Variants in GRIFIN observed in about 807,000 individuals in gnomAD.
The protein encoded by GRIFIN is putative grifin.
Under a neutral mutation model 18.2 loss-of-function variants are expected in GRIFIN, and 22 were observed. That is an observed-to-expected ratio of 1.21 (90% CI 0.86 to 1.73). The LOEUF is 1.73. GRIFIN is among the 40% of genes most tolerant of loss of function. The probability of loss-of-function intolerance (pLI) is 0.00; values close to 1 mark genes in which losing one functional copy is unlikely to be tolerated. For missense variants in GRIFIN, 200 were observed against 190.1 expected (o/e 1.05, Z -0.31); for synonymous variants, 101 against 82.8 (o/e 1.22, Z -1.19).
chr7:2,475,070 C>G (rs1297789418), intron 4 of GRIFIN, 71 bp downstream of exon 4: 3 of 1,493,308 alleles, frequency 2.0e-6, no homozygotes, highest in Non-Finnish European at 2.7e-6. Flanking sequence ...GGGTGAGAAG[C>G]AAAATCCCTG....
intron 4 of GRIFIN, 121 bp downstream of exon 4, chr7:2,475,020 C>T: frequency 8.3e-7 from 1 of 1,211,222 alleles, no homozygotes; most frequent in Non-Finnish European, 1.1e-6. Flanking sequence ...GGACGCCAGG[C>T]AGACAACCCC....
Position 2,475,484 on chromosome 7 carries a change from T to C in GRIFIN, c.253-177A>G. On this transcript the variant is annotated intron_variant, in intron 3 of 4. Transcript: ENST00000614228. ...TCCCCTCCTTTCTCCCAAGATGGGG[T>C]GGCTGGTAGCCAGGGTGGTGGGTAC... is the stretch of plus-strand genomic sequence containing the variant. The C allele has an allele frequency of 3.4e-6, 4 of 1,174,012 alleles. No homozygotes were observed. The South Asian group carries it at 6.5e-5, about 19-fold the overall frequency. The allele number at this position is 1,174,012 out of a possible 1,614,324, so 72.7% of individuals were successfully genotyped here.
intron 2 of GRIFIN, 23 bp downstream of exon 2, chr7:2,475,897 G>A (rs367940866): frequency 2.7e-4 from 424 of 1,595,146 alleles, no homozygotes; most frequent in Non-Finnish European, 3.5e-4. Context: ...AAGGCCCAGC[G>A]AGGGGAGGGC....
Position 2,475,727 on chromosome 7 carries a change from C to G in GRIFIN, c.194G>C (p.Arg65Pro), listed in dbSNP as rs1246976696. The change falls in exon 3 of 5, where the codon CGC becomes CCC. Residue 65 changes from arginine (R) to proline (P), a missense_variant. Physicochemically the swap from Arg to Pro is moderately radical, Grantham distance 103 (BLOSUM62 -2). Coordinates refer to ENST00000614228, the MANE Select transcript of GRIFIN (RefSeq NM_001394787.1). Reference protein sequence around the residue: ...TVVGNAFQYGRWGPEQVSSIF... With the variant: ...TVVGNAFQYGPWGPEQVSSIF... ...GCTAGACACCTGCTCCGGGCCCCAG[C>G]GGCCGTACTGGAAGGCATTGCCCAC... is the stretch of plus-strand genomic sequence containing the variant. 1 of 1,554,634 alleles carries G rather than the reference C, an allele frequency of 6.4e-7. No individual in the cohort carries two copies. The highest frequency in any genetic ancestry group is 1.4e-5 in the African/African-American group (1 of 73,874).
intron 3 of GRIFIN, 51 bp downstream of exon 3, chr7:2,475,617 TC>T: frequency 1.4e-6 from 2 of 1,432,546 alleles, no homozygotes; most frequent in Non-Finnish European, 1.8e-6. Flanking sequence ...GGCCCCCTGT[TC>T]CCCCACGGGC....
Position 2,474,785 on chromosome 7 carries a change from C to A in GRIFIN, c.*85G>T. 1 of 462,042 alleles carries A rather than the reference C, an allele frequency of 2.2e-6. No individual in the cohort carries two copies. Among genetic ancestry groups the A allele is most frequent in the Non-Finnish European group, 3.8e-6 (1 of 261,058 alleles). The allele number at this position is 462,042 out of a possible 1,614,324, so 28.6% of individuals were successfully genotyped here. On this transcript the variant is annotated 3_prime_UTR_variant, in exon 5 of 5. Transcript: ENST00000614228. ...CGAGGAGCACACAGGACCACAGACCCCCTCACCCAGCTGCCCCAGGGTGGG... is the reference window on the plus strand; with the variant it reads ...CGAGGAGCACACAGGACCACAGACCACCTCACCCAGCTGCCCCAGGGTGGG...
At chr7:2,475,009 G>T in intron 4 of GRIFIN, 124 bp from the exon 5 acceptor site, 2 of 1,047,862 alleles carry the variant, frequency 1.9e-6, no homozygotes, top group Non-Finnish European at 1.4e-6. Context: ...GGAGCAGGGT[G>T]GGACGCCAGG....
rs1272562825 is a variant in GRIFIN, at chr7:2,476,015, A to G, written c.13-16T>C. The G allele has an allele frequency of 2.5e-6, 4 of 1,593,398 alleles. No individual in the cohort carries two copies. The highest frequency in any genetic ancestry group is 1.1e-5 in the South Asian group (1 of 90,574). ...AGGCTTTAGACTGAGTGGAAGAGACAGGGGGACCAGCCTCATGGGGCTGCA... is the reference window on the plus strand; with the variant it reads ...AGGCTTTAGACTGAGTGGAAGAGACGGGGGGACCAGCCTCATGGGGCTGCA... On this transcript the variant is annotated splice_polypyrimidine_tract_variant and intron_variant, in intron 1 of 4. Coordinates refer to ENST00000614228, the MANE Select transcript of GRIFIN (RefSeq NM_001394787.1).
Position 2,475,783 on chromosome 7 carries a change from G to A in GRIFIN, c.138C>T (p.His46=), listed in dbSNP as rs1302060162. ...FLLETGDIAF[H]IKPRFSSATV... The stretch of plus-strand genomic sequence containing the variant: ...TGGCGCTGGAGAACCGGGGCTTGAT[G>A]TGGAAGGCAATGTCCCCCGTCTCCA... Residue 46 remains histidine, a synonymous_variant, in exon 3 of 5, where the codon CAC becomes CAT. Transcript: ENST00000614228. The A allele has an allele frequency of 2.5e-6, 4 of 1,574,480 alleles. No homozygotes were observed. In the South Asian group the frequency reaches 4.5e-5, roughly 18 times the overall value.
Position 2,475,792 on chromosome 7 carries a change from A to C in GRIFIN, c.129T>G (p.Ile43Met), listed in dbSNP as rs1028927719. ...ETNFLLETGD[I>M]AFHIKPRFSS... is the part of the protein sequence containing the mutation. ...AGAACCGGGGCTTGATGTGGAAGGC[A>C]ATGTCCCCCGTCTCCAACAAGAAGT... is the stretch of plus-strand genomic sequence containing the variant. The change falls in exon 3 of 5, where the codon ATT (isoleucine) becomes ATG (methionine). Residue 43 changes from isoleucine (I) to methionine (M), a missense_variant. Transcript: ENST00000614228. 9 of 1,574,222 alleles carry C rather than the reference A, an allele frequency of 5.7e-6. No individual in the cohort carries two copies. In the Admixed American group the frequency reaches 1.5e-4, roughly 27 times the overall value.
chr7:2,475,874 G>A lies in GRIFIN; in HGVS notation c.92+46C>T, dbSNP rs534886786. The A allele has an allele frequency of 6.3e-6, 10 of 1,586,960 alleles. No homozygotes were observed. The African/African-American group carries it at 6.7e-5, about 11-fold the overall frequency. Reference sequence around the variant, plus strand: ...GTCAAGAGCTGCAAAGAGCTGGGCCGGCCACCCAGCCCAAGGCCCAGCGAG... The same window carrying A: ...GTCAAGAGCTGCAAAGAGCTGGGCCAGCCACCCAGCCCAAGGCCCAGCGAG... On this transcript the variant is annotated intron_variant, in intron 2 of 4. Coordinates refer to ENST00000614228, the MANE Select transcript of GRIFIN (RefSeq NM_001394787.1).
intron 3 of GRIFIN, 179 bp from the exon 4 acceptor site, chr7:2,475,486 G>T: frequency 3.4e-6 from 4 of 1,175,056 alleles, no homozygotes; most frequent in Non-Finnish European, 4.6e-6. Context: ...AGATGGGGTG[G>T]CTGGTAGCCA....
chr7:2,475,127 G>A lies in GRIFIN; in HGVS notation c.419+14C>T, dbSNP rs765463745. 1.3e-6 allele frequency: 2 copies of A among 1,569,868 alleles called. No individual in the cohort carries two copies. Among genetic ancestry groups the A allele is most frequent in the South Asian group, 1.1e-5 (1 of 87,330 alleles). ...AGGAATGGGCAGGGACCTGGGTAGAGGCAGGGACTTTACCCCCAGCTCAGG... is the reference window on the plus strand; with the variant it reads ...AGGAATGGGCAGGGACCTGGGTAGAAGCAGGGACTTTACCCCCAGCTCAGG... On this transcript the variant is annotated intron_variant, in intron 4 of 4. Coordinates refer to ENST00000614228, the MANE Select transcript of GRIFIN (RefSeq NM_001394787.1).
chr7:2,475,875 G>T, intron 2 of GRIFIN, 45 bp downstream of exon 2: 3 of 1,587,192 alleles, frequency 1.9e-6, no homozygotes, highest in Non-Finnish European at 2.6e-6. Flanking sequence ...AGCTGGGCCG[G>T]CCACCCAGCC....
chr7:2,475,425 G>C, intron 3 of GRIFIN, 118 bp from the exon 4 acceptor site: 5 of 1,358,224 alleles, frequency 3.7e-6, no homozygotes, highest in Non-Finnish European at 4.9e-6. Context: ...GGCAGGCCCC[G>C]GGGGTCCCTT....
intron 1 of GRIFIN, 45 bp from the exon 2 acceptor site, chr7:2,476,044 T>G (rs770511613): frequency 2.0e-6 from 3 of 1,507,078 alleles, no homozygotes; most frequent in South Asian, 2.3e-5. Flanking sequence ...GGCTGCAGCC[T>G]CCTCCCTCCC....
At position 2,475,938 on chromosome 7, in the gene GRIFIN, G is replaced by C. The variant is rs1412754012; in HGVS notation, c.74C>G (p.Ala25Gly). 5 of 1,598,346 alleles carry C rather than the reference G, an allele frequency of 3.1e-6. No homozygotes were observed. The highest frequency in any genetic ancestry group is 4.2e-6 in the Non-Finnish European group (5 of 1,179,676). The change falls in exon 2 of 5, where the codon GCT (alanine) becomes GGT (glycine). Residue 25 changes from alanine (A) to glycine (G), a missense_variant. Ala to Gly is a moderately conservative substitution (Grantham distance 60, BLOSUM62 0). Coordinates refer to ENST00000614228, the MANE Select transcript of GRIFIN (RefSeq NM_001394787.1). ...CGCTGACCTGTCCTCTCCAGAGTCA[G>C]CATGTCCCTGGACCAGCAGCTTCCA... ...PGWKLLVQGH[A>G]DSGEDRFETN...
chr7:2,475,444 G>GC, intron 3 of GRIFIN, 137 bp from the exon 4 acceptor site: 1 of 1,272,388 alleles, frequency 7.9e-7, no homozygotes, highest in Non-Finnish European at 1.1e-6. Context: ...TTGGCTTGGA[G>GC]CCCCCAGCCC....
chr7:2,476,122 G>C, intron 1 of GRIFIN, 123 bp from the exon 2 acceptor site: 3 of 831,604 alleles, frequency 3.6e-6, no homozygotes, highest in Non-Finnish European at 5.4e-6. Context: ...CCCCAACCCA[G>C]TGCCAGACAT....
Sources: gnomAD v4.1 joint callset for allele counts on GRCh38, gnomAD v4.1.1 for gene constraint, MANE v1.5 for transcripts, NCBI Gene and HGNC (gene_info 2026-07-23, HGNC 2026-07-21) for gene names.